FNDC4: variants seen among roughly 807,000 people sequenced by gnomAD.
The protein encoded by FNDC4 is fibronectin type III domain containing 4, also known as fibronectin type III domain-containing protein 4.
A neutral mutation model predicts 25.1 loss-of-function variants in FNDC4; 11 were observed. The observed-to-expected ratio is 0.44, with a 90% CI of 0.28 to 0.73. The LOEUF is 0.73. Ranked by LOEUF, FNDC4 falls within the 30% of genes least tolerant of loss-of-function variation. The pLI, the probability that FNDC4 is intolerant of heterozygous loss-of-function variation, is 0.16. For synonymous variants in FNDC4, 136 were observed against 118.8 expected (o/e 1.14, Z -0.94); for missense variants, 250 against 304.3 (o/e 0.82, Z 1.33).
At position 27,494,876 on chromosome 2, in the gene FNDC4, A is replaced by G; in HGVS notation, c.-25+2T>C. The G allele has an allele frequency of 2.1e-6, 1 of 465,580 alleles. No homozygotes were observed. Among genetic ancestry groups the G allele is most frequent in the Non-Finnish European group, 3.8e-6 (1 of 266,100 alleles). 28.8% of individuals were successfully genotyped at this position (465,580 alleles called of 1,614,324 possible). A position where few individuals can be genotyped will look rare whatever the true frequency, so the allele number is the denominator to read the frequency against. ...AGTGCGGTCCGCCCTGCCCACACCCACCTCCGCCGGTCCTCGCGGTTGGTC... is the reference window on the plus strand; with the variant it reads ...AGTGCGGTCCGCCCTGCCCACACCCGCCTCCGCCGGTCCTCGCGGTTGGTC... On this transcript the variant is annotated splice_donor_variant, in intron 1 of 6. Transcript: ENST00000264703. LOFTEE classifies it low-confidence loss of function (5UTR_SPLICE). This position sits in a 1 kb window ranked among gnomAD's most constrained non-coding sequence, Gnocchi z 4.6.
rs1669324535 is a variant in FNDC4, at chr2:27,494,161, A to T, written c.250-27T>A. The T allele has an allele frequency of 1.3e-6, 2 of 1,599,066 alleles. No individual in the cohort carries two copies. The highest frequency in any genetic ancestry group is 2.7e-5 in the African/African-American group (2 of 74,756). ...TGCAGGGAGATGAGGGGAGAGGAGG[A>T]CAGCCTCACCCCAGTGCCAGGCCAC... On this transcript the variant is annotated intron_variant, in intron 3 of 6. Transcript: ENST00000264703. The surrounding 1 kb of genome is among the most constrained non-coding windows in gnomAD (Gnocchi z 4.6).
rs770475768 is a variant in FNDC4 at position 27,492,507 on chromosome 2, C to T, written c.670-29G>A. 10 of 1,608,674 alleles carry T rather than the reference C, an allele frequency of 6.2e-6. No homozygotes were observed. In the South Asian group the frequency reaches 1.1e-4, roughly 18 times the overall value. ...TGAAAGAAAATGGCCTGAGTCTCAA[C>T]TTCAGGAAGGTAATAGGTGCCACCC... On this transcript the variant is annotated intron_variant, in intron 6 of 6. Coordinates refer to ENST00000264703, the MANE Select transcript of FNDC4 (RefSeq NM_022823.3). The surrounding 1 kb of genome is among the most constrained non-coding windows in gnomAD (Gnocchi z 4.1).
At chr2:27,493,510 A>C in intron 4 of FNDC4, 32 bp from the exon 5 acceptor site, 1 of 1,523,280 alleles carries the variant, frequency 6.6e-7, no homozygotes, top group Non-Finnish European at 9.1e-7. Flanking sequence ...GGCAGACTCC[A>C]GGTTACTGGG....
At position 27,495,093 on chromosome 2, in the gene FNDC4, TTGCCCGGA is replaced by T. The variant is rs998295467; in HGVS notation, c.-248_-241del. 1 of 152,168 alleles carries T rather than the reference TTGCCCGGA, an allele frequency of 6.6e-6. No individual in the cohort carries two copies. The highest frequency in any genetic ancestry group is 2.4e-5 in the African/African-American group (1 of 41,294). 9.4% of individuals were successfully genotyped at this position (152,168 alleles called of 1,614,324 possible). ...GGAGTCTGTCCGGGAGCAGGGGGCG[TTGCCCGGA>T]CGCTGGCCTGGGTCCCCGGTGCGGG... is the stretch of plus-strand genomic sequence containing the variant. On this transcript the variant is annotated 5_prime_UTR_variant, in exon 1 of 7. Transcript: ENST00000264703.
In FNDC4 at chr2:27,494,104, G is replaced by A. The variant is rs545905554; in HGVS notation, c.280C>T (p.Arg94Trp). ...GCCCGGGTGGTGGTGTTCACCTCCC[G>A]AATCACACGCTGCCCGGGGCCATTC... ...RQNGPGQRVI[R>W]EVNTTTRACA... The change falls in exon 4 of 7, where the codon CGG becomes TGG. Residue 94 changes from arginine to tryptophan, a missense_variant. Coordinates refer to ENST00000264703, the MANE Select transcript of FNDC4 (RefSeq NM_022823.3). This position sits in a 1 kb window ranked among gnomAD's most constrained non-coding sequence, Gnocchi z 4.6. 35 of 1,613,942 alleles carry A rather than the reference G, an allele frequency of 2.2e-5. No individual in the cohort carries two copies. The highest frequency in any genetic ancestry group is 2.8e-5 in the Non-Finnish European group (33 of 1,180,014).
Position 27,494,255 on chromosome 2 carries a change from C to G in FNDC4, c.249+96G>C. On this transcript the variant is annotated intron_variant, in intron 3 of 6. Coordinates refer to ENST00000264703, the MANE Select transcript of FNDC4 (RefSeq NM_022823.3). The surrounding 1 kb of genome is among the most constrained non-coding windows in gnomAD (Gnocchi z 4.6). The stretch of plus-strand genomic sequence containing the variant: ...AGTAGCGTGAAAAGGGCAGCCTGAG[C>G]CAGGATACGCCAGCTTCCAGATCCC... 2 of 1,381,218 alleles carry G rather than the reference C, an allele frequency of 1.4e-6. No homozygotes were observed. Among genetic ancestry groups the G allele is most frequent in the Non-Finnish European group, 2.0e-6 (2 of 983,170 alleles). 85.6% of individuals were successfully genotyped at this position (1,381,218 alleles called of 1,614,324 possible). A position where few individuals can be genotyped will look rare whatever the true frequency, so the allele number is the denominator to read the frequency against.
At chr2:27,493,626 C>A in intron 4 of FNDC4, 148 bp from the exon 5 acceptor site, 1 of 747,428 alleles carries the variant, frequency 1.3e-6, no homozygotes, top group Non-Finnish European at 2.3e-6. Flanking sequence ...GGGAGGAAGC[C>A]GTTGGTGGAC....
In FNDC4 at chr2:27,494,263, C is replaced by A; in HGVS notation, c.249+88G>T. ...GAAAAGGGCAGCCTGAGCCAGGATA[C>A]GCCAGCTTCCAGATCCCCCCCACTT... On this transcript the variant is annotated intron_variant, in intron 3 of 6. Transcript: ENST00000264703. The surrounding 1 kb of genome is among the most constrained non-coding windows in gnomAD (Gnocchi z 4.6). The A allele has an allele frequency of 7.1e-7, 1 of 1,400,710 alleles. No homozygotes were observed. The highest frequency in any genetic ancestry group is 1.2e-5 in the South Asian group (1 of 83,926). 86.8% of individuals were successfully genotyped at this position (1,400,710 alleles called of 1,614,324 possible). A position where few individuals can be genotyped will look rare whatever the true frequency, so the allele number is the denominator to read the frequency against.
At position 27,492,132 on chromosome 2, in the gene FNDC4, T is replaced by C. The variant is rs1669272361; in HGVS notation, c.*311A>G. ...GGGCAGCTGGGGATGCTCAGAGTCC[T>C]GATACAGGTGAAATGGGGCCCCCAT... On this transcript the variant is annotated 3_prime_UTR_variant, in exon 7 of 7. Coordinates refer to ENST00000264703, the MANE Select transcript of FNDC4 (RefSeq NM_022823.3). This position sits in a 1 kb window ranked among gnomAD's most constrained non-coding sequence, Gnocchi z 4.1. The C allele has an allele frequency of 2.2e-6, 1 of 447,508 alleles. No homozygotes were observed. The highest frequency in any genetic ancestry group is 4.0e-6 in the Non-Finnish European group (1 of 247,822). 27.7% of individuals were successfully genotyped at this position (447,508 alleles called of 1,614,324 possible).
In FNDC4 at chr2:27,492,078, C is replaced by A; in HGVS notation, c.*365G>T. On this transcript the variant is annotated 3_prime_UTR_variant, in exon 7 of 7. Transcript: ENST00000264703. This position sits in a 1 kb window ranked among gnomAD's most constrained non-coding sequence, Gnocchi z 4.1. ...GTAAGAGGAGTACCCACAGAAACAC[C>A]CCTCTCTGAGGGCCAGAGGCAAGAT... 3.2e-6 allele frequency: 1 copy of A among 315,868 alleles called. No individual in the cohort carries two copies. Among genetic ancestry groups the A allele is most frequent in the Non-Finnish European group, 5.9e-6 (1 of 168,726 alleles). 19.6% of individuals were successfully genotyped at this position (315,868 alleles called of 1,614,324 possible).
Position 27,492,973 on chromosome 2 carries a change from A to G in FNDC4, c.545-183T>C, listed in dbSNP as rs575457117. Among the ~76,000 whole-genome samples, 101 of 150,762 alleles carry G rather than the reference A, an allele frequency of 6.7e-4. No individual in the cohort carries two copies. The highest frequency in any genetic ancestry group is 2.4e-3 in the African/African-American group (99 of 40,988). On this transcript the variant is annotated intron_variant, in intron 5 of 6. Transcript: ENST00000264703. The surrounding 1 kb of genome is among the most constrained non-coding windows in gnomAD (Gnocchi z 4.1). ...AAGTTCAAATCATCCCTCCTGAACT[A>G]AGTATCTCCCCACTCCACTCTATTT...
Position 27,492,649 on chromosome 2 carries a change from A to C in FNDC4, c.669+17T>G. ...GGGCAGAATCACCCTTTCCGCCCTC[A>C]CTGGCCCCCACATCACCTGTCTTGT... is the stretch of plus-strand genomic sequence containing the variant. On this transcript the variant is annotated intron_variant, in intron 6 of 6. Coordinates refer to ENST00000264703, the MANE Select transcript of FNDC4 (RefSeq NM_022823.3). The surrounding 1 kb of genome is among the most constrained non-coding windows in gnomAD (Gnocchi z 4.1). 6.2e-7 allele frequency: 1 copy of C among 1,613,344 alleles called. No individual in the cohort carries two copies. Among genetic ancestry groups the C allele is most frequent in the Non-Finnish European group, 8.5e-7 (1 of 1,179,872 alleles).
chr2:27,492,218 A>T lies in FNDC4; in HGVS notation c.*225T>A. On this transcript the variant is annotated 3_prime_UTR_variant, in exon 7 of 7. Coordinates refer to ENST00000264703, the MANE Select transcript of FNDC4 (RefSeq NM_022823.3). The surrounding 1 kb of genome is among the most constrained non-coding windows in gnomAD (Gnocchi z 4.1). ...CTCCCCTGGACCGGGGAATGGAAGG[A>T]GATATCCCATCTGATATCCACTCCC... 1.7e-6 allele frequency: 1 copy of T among 605,562 alleles called. No individual in the cohort carries two copies. The highest frequency in any genetic ancestry group is 2.0e-5 in the South Asian group (1 of 50,470). The allele number at this position is 605,562 out of a possible 1,614,324, so 37.5% of individuals were successfully genotyped here. A position where few individuals can be genotyped will look rare whatever the true frequency, so the allele number is the denominator to read the frequency against.
intron 4 of FNDC4, among the ~76,000 whole-genome samples, 166 bp from the exon 5 acceptor site, chr2:27,493,644 T>A (rs1258292426): frequency 6.6e-6 from 1 of 152,134 alleles, no homozygotes; most frequent in South Asian, 2.1e-4. Flanking sequence ...GACAGGTGGT[T>A]AGCGACCAAA....
Position 27,492,653 on chromosome 2 carries a change from G to T in FNDC4, c.669+13C>A. On this transcript the variant is annotated intron_variant, in intron 6 of 6. Transcript: ENST00000264703. The surrounding 1 kb of genome is among the most constrained non-coding windows in gnomAD (Gnocchi z 4.1). Reference sequence around the variant, plus strand: ...AGAATCACCCTTTCCGCCCTCACTGGCCCCCACATCACCTGTCTTGTCCCC... The same window carrying T: ...AGAATCACCCTTTCCGCCCTCACTGTCCCCCACATCACCTGTCTTGTCCCC... 6.2e-7 allele frequency: 1 copy of T among 1,613,776 alleles called. No homozygotes were observed. Among genetic ancestry groups the T allele is most frequent in the African/African-American group, 1.3e-5 (1 of 74,910 alleles).
Position 27,494,948 on chromosome 2 carries a change from A to G in FNDC4, c.-95T>C. 1 of 317,840 alleles carries G rather than the reference A, an allele frequency of 3.1e-6. No individual in the cohort carries two copies. Among genetic ancestry groups the G allele is most frequent in the Non-Finnish European group, 5.7e-6 (1 of 176,116 alleles). 19.7% of individuals were successfully genotyped at this position (317,840 alleles called of 1,614,324 possible). The stretch of plus-strand genomic sequence containing the variant: ...TGCCCAGAGGGCGGCCCATCGCCCG[A>G]CTCGGTGGCGCTGCCCCTACCCCAT... On this transcript the variant is annotated 5_prime_UTR_variant, in exon 1 of 7. Transcript: ENST00000264703. This position sits in a 1 kb window ranked among gnomAD's most constrained non-coding sequence, Gnocchi z 4.6.
intron 5 of FNDC4, 23 bp downstream of exon 5, chr2:27,493,366 C>T (rs936925366): frequency 6.3e-7 from 1 of 1,594,964 alleles, no homozygotes; most frequent in Admixed American, 1.7e-5. Flanking sequence ...AGTCCCTGGT[C>T]CCCTGTCTAG....
In FNDC4 at chr2:27,494,414, C is replaced by T. The variant is rs772678108; in HGVS notation, c.186G>A (p.Ser62=). The change falls in exon 3 of 7, where the codon TCG becomes TCA. Residue 62 remains serine (S), a synonymous_variant. Transcript: ENST00000264703. This position sits in a 1 kb window ranked among gnomAD's most constrained non-coding sequence, Gnocchi z 4.6. The stretch of plus-strand genomic sequence containing the variant: ...CTGGGACGTCCCAGGACACAGTGGC[C>T]GAGTTGGCTCTGAGGTGAGTGACCG... ...NVTVTHLRAN[S]ATVSWDVPEG... is the part of the protein sequence containing the mutation. 2 of 1,614,158 alleles carry T rather than the reference C, an allele frequency of 1.2e-6. No homozygotes were observed. The highest frequency in any genetic ancestry group is 2.2e-5 in the East Asian group (1 of 44,884).
In FNDC4 at chr2:27,492,235, TC is replaced by T. The variant is rs1669274323; in HGVS notation, c.*207del. 4 of 622,132 alleles carry T rather than the reference TC, an allele frequency of 6.4e-6. No homozygotes were observed. In the South Asian group the frequency reaches 7.6e-5, roughly 12 times the overall value. 38.5% of individuals were successfully genotyped at this position (622,132 alleles called of 1,614,324 possible). On this transcript the variant is annotated 3_prime_UTR_variant, in exon 7 of 7. Transcript: ENST00000264703. The surrounding 1 kb of genome is among the most constrained non-coding windows in gnomAD (Gnocchi z 4.1). ...ATGGAAGGAGATATCCCATCTGATA[TC>T]CACTCCCCAGGTCCAGGGGCACAGA...
Sources: allele counts gnomAD v4.1 joint callset (sites outside exome capture counted in the v4.1 genomes callset), GRCh38; gene constraint gnomAD v4.1.1; non-coding constraint Gnocchi (gnomAD v3.1); transcripts MANE v1.5; gene names NCBI Gene and HGNC (gene_info 2026-07-23, HGNC 2026-07-21).